The following CREB3L2 variants were observed in gnomAD, a reference collection of about 807,000 sequenced individuals.
The protein encoded by CREB3L2 is cAMP responsive element binding protein 3 like 2, also known as cyclic AMP-responsive element-binding protein 3-like protein 2.
In CREB3L2, 23 loss-of-function variants were observed where a neutral mutation model predicts 57.2. The ratio of observed to expected loss-of-function variants is 0.40; its 90% CI spans 0.29 to 0.57. The LOEUF (loss-of-function observed/expected upper bound fraction) is 0.57. CREB3L2 is among the 20% of genes least tolerant of loss of function. The probability of loss-of-function intolerance (pLI) is 0.42; values close to 1 mark genes in which losing one functional copy is unlikely to be tolerated. For synonymous variants in CREB3L2, 268 were observed against 265.1 expected (o/e 1.01, Z -0.11); for missense variants, 628 against 634.7 (o/e 0.99, Z 0.11).
Position 137,973,833 on chromosome 7 carries a change from T to C in CREB3L2, c.102+27771A>G, listed in dbSNP as rs566298157. ...AGTTAAATTCTCCAATAGTTAACTA[T>C]GCACGTTTTCACAAGATTTCCAACA... On this transcript the variant is annotated intron_variant, in intron 1 of 11. Transcript: ENST00000330387. Among the ~76,000 whole-genome samples, 5 of 152,348 alleles carry C rather than the reference T, an allele frequency of 3.3e-5. No homozygotes were observed. In the South Asian group the frequency reaches 8.3e-4, roughly 25 times the overall value.
At chr7:137,978,488 C>A (rs114251586) in intron 1 of CREB3L2, among the ~76,000 whole-genome samples, 1,603 of 152,278 alleles carry the variant, frequency 0.011, 31 homozygotes, top group African/African-American at 0.036. Context: ...TCACTCCTTC[C>A]TGTGCCTGAC....
Position 137,878,757 on chromosome 7 carries a change from A to G in CREB3L2, c.*1719T>C. ...GGGGAATCACTCACAGGGAGCCCCA[A>G]ATGGGCCTAGACAGACAAGGCAGGG... On this transcript the variant is annotated 3_prime_UTR_variant, in exon 12 of 12. Coordinates refer to ENST00000330387, the MANE Select transcript of CREB3L2 (RefSeq NM_194071.4). 4.2e-6 allele frequency: 1 copy of G among 235,726 alleles called. No homozygotes were observed. The highest frequency in any genetic ancestry group is 6.0e-5 in the East Asian group (1 of 16,608). 14.6% of individuals were successfully genotyped at this position (235,726 alleles called of 1,614,324 possible). A position where few individuals can be genotyped will look rare whatever the true frequency, so the allele number is the denominator to read the frequency against.
intron 1 of CREB3L2, among the ~76,000 whole-genome samples, chr7:137,979,444 C>G (rs533676485): frequency 5.3e-5 from 8 of 152,060 alleles, no homozygotes; most frequent in Non-Finnish European, 1.0e-4. Flanking sequence ...AGAATGCTGC[C>G]GGCCGGGCGC....
chr7:137,968,036 C>T (rs1425803376), intron 1 of CREB3L2, among the ~76,000 whole-genome samples: 1 of 152,184 alleles, frequency 6.6e-6, no homozygotes, highest in East Asian at 1.9e-4. Flanking sequence ...AAATAACCTT[C>T]CCAAGATCAC....
At chr7:137,987,078 A>G (rs927285417) in intron 1 of CREB3L2, among the ~76,000 whole-genome samples, 2 of 152,186 alleles carry the variant, frequency 1.3e-5, no homozygotes, top group Non-Finnish European at 2.9e-5. Flanking sequence ...GCTGCAGGAG[A>G]GCCTGGAGAG....
chr7:137,885,409 G>A lies in CREB3L2; in HGVS notation c.1137C>T (p.Cys379=), dbSNP rs1358793103. 6.2e-7 allele frequency: 1 copy of A among 1,613,548 alleles called. No homozygotes were observed. The highest frequency in any genetic ancestry group is 1.1e-5 in the South Asian group (1 of 91,064). The part of the protein sequence containing the change: ...CKLAGTQTGT[C]LMVVVLCFAV... The stretch of plus-strand genomic sequence containing the variant: ...ACCCTGCTGGGAAGCTCACCATGAG[G>A]CAGGTGCCAGTCTGCGTGCCAGCTA... The change falls in exon 9 of 12, where the codon TGC becomes TGT. Residue 379 remains cysteine, a synonymous_variant. Coordinates refer to ENST00000330387, the MANE Select transcript of CREB3L2 (RefSeq NM_194071.4).
chr7:137,973,415 G>A (rs1801553081), intron 1 of CREB3L2, among the ~76,000 whole-genome samples: 2 of 151,982 alleles, frequency 1.3e-5, no homozygotes, highest in African/African-American at 2.4e-5. Context: ...GCGGCCCACC[G>A]GCGCCTATTC....
Position 137,877,041 on chromosome 7 carries a change from A to G in CREB3L2, c.*3435T>C. 4.4e-6 allele frequency: 1 copy of G among 229,822 alleles called. No individual in the cohort carries two copies. Among genetic ancestry groups the G allele is most frequent in the East Asian group, 6.2e-5 (1 of 16,176 alleles). The allele number at this position is 229,822 out of a possible 1,614,324, so 14.2% of individuals were successfully genotyped here. On this transcript the variant is annotated 3_prime_UTR_variant, in exon 12 of 12. Transcript: ENST00000330387. ...AGGACATGGGAGGGAGGAGCCATAA[A>G]ATGCTGGAGAACAATTTTAAAAAAC...
rs777528331 is a variant in CREB3L2, at chr7:137,885,112, G to A, written c.1153C>T (p.Leu385=). The part of the protein sequence containing the change: ...QTGTCLMVVV[L]CFAVAFGSFF... ...CTGCCGAATGCAACGGCAAAGCACAGCACCACAACCTGTGGGAGAGAAAGA... is the reference window on the plus strand; with the variant it reads ...CTGCCGAATGCAACGGCAAAGCACAACACCACAACCTGTGGGAGAGAAAGA... Residue 385 remains leucine (L), a synonymous_variant, in exon 10 of 12, where the codon CTG becomes TTG. Coordinates refer to ENST00000330387, the MANE Select transcript of CREB3L2 (RefSeq NM_194071.4). 4 of 1,614,048 alleles carry A rather than the reference G, an allele frequency of 2.5e-6. No homozygotes were observed. The highest frequency in any genetic ancestry group is 3.4e-6 in the Non-Finnish European group (4 of 1,180,030).
intron 8 of CREB3L2, among the ~76,000 whole-genome samples, chr7:137,892,691 G>A (rs1334982193): frequency 6.6e-6 from 1 of 151,966 alleles, no homozygotes; most frequent in African/African-American, 2.4e-5. Context: ...ACCTCATGAT[G>A]GAAGAGATGA....
intron 10 of CREB3L2, 173 bp downstream of exon 10, chr7:137,884,822 A>G: frequency 1.3e-6 from 1 of 781,714 alleles, no homozygotes. Flanking sequence ...GCCGCAGTCC[A>G]GTGGATGAGG....
At chr7:137,897,612 C>T (rs1477326935) in intron 8 of CREB3L2, among the ~76,000 whole-genome samples, 1 of 152,126 alleles carries the variant, frequency 6.6e-6, no homozygotes, top group Non-Finnish European at 1.5e-5. Context: ...ACCCACCTGC[C>T]TCGGCCTCCC....
intron 1 of CREB3L2, among the ~76,000 whole-genome samples, chr7:137,994,187 C>A (rs1399244973): frequency 6.6e-6 from 1 of 152,194 alleles, no homozygotes; most frequent in African/African-American, 2.4e-5. Flanking sequence ...GGCCTCAATC[C>A]TACCAAATGC....
At chr7:137,953,611 GGAA>G (rs1801145518) in intron 1 of CREB3L2, 1 of 968,480 alleles carries the variant, frequency 1.0e-6, no homozygotes, top group Non-Finnish European at 1.4e-6. Context: ...CATCTCTGTT[GGAA>G]AGTCCTTGTT....
intron 1 of CREB3L2, among the ~76,000 whole-genome samples, chr7:137,929,104 C>G (rs1800549830): frequency 6.6e-6 from 1 of 152,182 alleles, no homozygotes; most frequent in Middle Eastern, 3.2e-3. Flanking sequence ...CTTTGTTCCT[C>G]TCTGGTTTTT....
In CREB3L2 at chr7:137,879,297, T is replaced by G; in HGVS notation, c.*1179A>C. The G allele has an allele frequency of 3.8e-6, 2 of 527,702 alleles. No individual in the cohort carries two copies. Among genetic ancestry groups the G allele is most frequent in the Non-Finnish European group, 7.3e-6 (2 of 273,792 alleles). The allele number at this position is 527,702 out of a possible 1,614,324, so 32.7% of individuals were successfully genotyped here. Reference sequence around the variant, plus strand: ...TACACAAATGTCACCTACCCCACCCTGCTTTGTTGAGGTAGGGGACGAGGA... The same window carrying G: ...TACACAAATGTCACCTACCCCACCCGGCTTTGTTGAGGTAGGGGACGAGGA... On this transcript the variant is annotated 3_prime_UTR_variant, in exon 12 of 12. Transcript: ENST00000330387.
intron 1 of CREB3L2, among the ~76,000 whole-genome samples, chr7:137,961,762 C>T (rs761748776): frequency 5.9e-5 from 9 of 152,206 alleles, no homozygotes; most frequent in Admixed American, 2.6e-4. Context: ...TTGGTCACTC[C>T]GCTCTAAGCT....
chr7:137,940,239 C>T (rs1008021488), intron 1 of CREB3L2, among the ~76,000 whole-genome samples: 4 of 152,164 alleles, frequency 2.6e-5, no homozygotes, highest in Non-Finnish European at 5.9e-5. Context: ...AGTATACACT[C>T]TCCATCTCCA....
At chr7:137,969,399 T>A (rs1368115274) in intron 1 of CREB3L2, among the ~76,000 whole-genome samples, 1 of 141,018 alleles carries the variant, frequency 7.1e-6, no homozygotes, top group African/African-American at 2.7e-5. Flanking sequence ...CAGGCTGGAG[T>A]GCAATGGCAC....
Sources: gnomAD v4.1 joint callset for allele counts (sites outside exome capture counted in the v4.1 genomes callset) on GRCh38, gnomAD v4.1.1 for gene constraint, MANE v1.5 for transcripts, NCBI Gene and HGNC (gene_info 2026-07-23, HGNC 2026-07-21) for gene names.